The following PUS10 variants were observed in gnomAD, a reference collection of about 807,000 sequenced individuals.
PUS10 encodes the protein tRNA pseudouridine synthase Pus10.
PUS10 carries 59 observed loss-of-function variants against 75.0 expected under a neutral mutation model. The observed-to-expected ratio is 0.79, with a 90% CI of 0.64 to 0.98. PUS10 has a LOEUF of 0.98. PUS10 is among the 50% of genes least tolerant of loss of function. The pLI is 0.00. For synonymous variants in PUS10, 219 were observed against 211.6 expected, an observed-to-expected ratio of 1.03 and a Z score of -0.30; for missense variants, 650 against 614.4, an observed-to-expected ratio of 1.06 and a Z score of -0.61.
At chr2:61,003,393 C>T (rs923609982) in intron 4 of PUS10, among the ~76,000 whole-genome samples, 7 of 148,682 alleles carry the variant, frequency 4.7e-5, no homozygotes, top group Admixed American at 6.8e-5. Context: ...ACTCAGGAGG[C>T]GGAGGCTGCA....
At position 61,008,943 on chromosome 2, in the gene PUS10, G is replaced by T. The variant is rs1342724644; in HGVS notation, c.199C>A (p.Pro67Thr). Residue 67 changes from proline (P) to threonine (T), a missense_variant, in exon 3 of 18, where the codon CCT becomes ACT. Transcript: ENST00000316752. ...TCTTGCAGTCGAATTTTCTTGGGAGGTGGGTTCATAACTTCCAAAATTAAT... is the reference window on the plus strand; with the variant it reads ...TCTTGCAGTCGAATTTTCTTGGGAGTTGGGTTCATAACTTCCAAAATTAAT... ...DELILEVMNP[P>T]PKKIRLQELE... 1 of 1,613,070 alleles carries T rather than the reference G, an allele frequency of 6.2e-7. No individual in the cohort carries two copies. Among genetic ancestry groups the T allele is most frequent in the Non-Finnish European group, 8.5e-7 (1 of 1,179,332 alleles).
At chr2:60,995,315 G>A (rs561385485) in intron 4 of PUS10, among the ~76,000 whole-genome samples, 1 of 152,238 alleles carries the variant, frequency 6.6e-6, no homozygotes, top group East Asian at 1.9e-4. Flanking sequence ...TAAGAAAGGG[G>A]TTTTATCTTG....
Position 61,018,151 on chromosome 2 carries a change from C to A in PUS10, c.-159G>T, listed in dbSNP as rs187137423. Reference sequence around the variant, plus strand: ...GCTTCCTACCTACCGCTTCTGTTTTCACTTTGACAGAATGGCTTCTCTATC... The same window carrying A: ...GCTTCCTACCTACCGCTTCTGTTTTAACTTTGACAGAATGGCTTCTCTATC... On this transcript the variant is annotated 5_prime_UTR_variant, in exon 1 of 18. It introduces an in-frame stop codon into an upstream open reading frame of the 5' UTR. Transcript: ENST00000316752. 1.4e-5 allele frequency: 22 copies of A among 1,550,614 alleles called. No individual in the cohort carries two copies. The highest frequency in any genetic ancestry group is 1.7e-4 in the Middle Eastern group (1 of 5,940).
intron 4 of PUS10, among the ~76,000 whole-genome samples, chr2:60,975,653 C>T (rs1393269913): frequency 7.1e-6 from 1 of 140,108 alleles, no homozygotes; most frequent in Non-Finnish European, 1.5e-5. Flanking sequence ...ACCTATGGGA[C>T]TTAGGGAGCA....
At chr2:60,971,444 T>G in intron 5 of PUS10, 79 bp downstream of exon 5, 1 of 1,238,492 alleles carries the variant, frequency 8.1e-7, no homozygotes, top group Non-Finnish European at 1.2e-6. Flanking sequence ...AAAATAGAGA[T>G]TGTAGTAGTA....
At chr2:61,001,912 A>C (rs1040606103) in intron 4 of PUS10, among the ~76,000 whole-genome samples, 2 of 152,116 alleles carry the variant, frequency 1.3e-5, no homozygotes, top group African/African-American at 4.8e-5. Context: ...ACAGAATCCT[A>C]TGCCATTTTT....
intron 16 of PUS10, among the ~76,000 whole-genome samples, chr2:60,946,306 T>A (rs187111169): frequency 1.3e-5 from 2 of 152,346 alleles, no homozygotes. Context: ...AAGGTATATA[T>A]AAAGTAAATT....
chr2:61,008,174 G>T (rs959238663), intron 3 of PUS10, among the ~76,000 whole-genome samples: 3 of 152,002 alleles, frequency 2.0e-5, no homozygotes, highest in African/African-American at 7.3e-5. Flanking sequence ...ATGACTTGAG[G>T]CCAGGAGTTC....
intron 1 of PUS10, among the ~76,000 whole-genome samples, chr2:61,012,589 G>A (rs1395642221): frequency 1.3e-5 from 2 of 151,038 alleles, no homozygotes; most frequent in Admixed American, 1.3e-4. Flanking sequence ...CATTTTGGGA[G>A]GCCGAGGGTG....
At chr2:60,985,914 G>A (rs1240282189) in intron 4 of PUS10, among the ~76,000 whole-genome samples, 2 of 111,494 alleles carry the variant, frequency 1.8e-5, no homozygotes, top group African/African-American at 3.6e-5. Context: ...TAGAACACTT[G>A]TTATAGGAGA....
In PUS10 at chr2:60,960,486, T is replaced by C. The variant is rs760504857; in HGVS notation, c.906A>G (p.Pro302=). The C allele has an allele frequency of 1.6e-5, 25 of 1,575,142 alleles. No individual in the cohort carries two copies. Among genetic ancestry groups the C allele is most frequent in the Admixed American group, 5.9e-5 (3 of 50,774 alleles). The part of the protein sequence containing the change: ...GRYNKYSRNL[P]QTPWIIDGER... The stretch of plus-strand genomic sequence containing the variant: ...CTCCATCAATTATCCAAGGAGTTTG[T>C]GGTAGATTCCTGGAGTATTTATTAT... Residue 302 remains proline, a synonymous_variant, in exon 11 of 18, where the codon CCA becomes CCG. Coordinates refer to ENST00000316752, the MANE Select transcript of PUS10 (RefSeq NM_144709.4).
chr2:61,005,514 A>T (rs746358047), intron 4 of PUS10, among the ~76,000 whole-genome samples: 1 of 152,152 alleles, frequency 6.6e-6, no homozygotes, highest in Non-Finnish European at 1.5e-5. Flanking sequence ...TATACTTCTT[A>T]TTCCTATTTG....
intron 8 of PUS10, among the ~76,000 whole-genome samples, chr2:60,964,418 G>A (rs1379454362): frequency 1.3e-5 from 2 of 152,166 alleles, no homozygotes; most frequent in Admixed American, 6.5e-5. Context: ...AACCACCTAC[G>A]AAACTGATGC....
At chr2:60,988,949 C>A (rs762198914) in intron 4 of PUS10, among the ~76,000 whole-genome samples, 1 of 151,854 alleles carries the variant, frequency 6.6e-6, no homozygotes, top group African/African-American at 2.4e-5. Context: ...GCCAGGCATG[C>A]GCTTTTGTTA....
chr2:61,013,883 G>A (rs1679796628), intron 1 of PUS10, among the ~76,000 whole-genome samples: 1 of 151,988 alleles, frequency 6.6e-6, no homozygotes, highest in South Asian at 2.1e-4. Flanking sequence ...AAATTAGTTG[G>A]GTGTGGTGGC....
chr2:60,958,297 T>C (rs1016005890), intron 11 of PUS10, among the ~76,000 whole-genome samples: 3 of 152,198 alleles, frequency 2.0e-5, no homozygotes, highest in African/African-American at 7.2e-5. Flanking sequence ...TAAAAGCTCA[T>C]GGCAAAGCCC....
intron 4 of PUS10, among the ~76,000 whole-genome samples, chr2:60,978,399 G>A (rs1677173738): frequency 7.0e-6 from 1 of 143,222 alleles, no homozygotes; most frequent in Non-Finnish European, 1.5e-5. Flanking sequence ...TCCAGCCTGG[G>A]CAACAGAGTG....
intron 4 of PUS10, among the ~76,000 whole-genome samples, chr2:60,973,367 C>G (rs1182115733): frequency 1.3e-5 from 2 of 152,262 alleles, no homozygotes; most frequent in African/African-American, 4.8e-5. Flanking sequence ...AAGGCCCCCC[C>G]GTTGTCCCCA....
chr2:60,971,004 A>G (rs1260629277), intron 5 of PUS10, among the ~76,000 whole-genome samples: 1 of 151,950 alleles, frequency 6.6e-6, no homozygotes, highest in African/African-American at 2.4e-5. Context: ...ACATGGTGAA[A>G]CCCCATCTCT....
Sources: allele counts gnomAD v4.1 joint callset (sites outside exome capture counted in the v4.1 genomes callset), GRCh38; gene constraint gnomAD v4.1.1; transcripts MANE v1.5; gene names NCBI Gene and HGNC (gene_info 2026-07-23, HGNC 2026-07-21).